The following DNAH14 variants were observed in gnomAD, a reference collection of about 807,000 sequenced individuals.
DNAH14 encodes axonemal beta dynein heavy chain 14.
Under a neutral mutation model 520.9 loss-of-function variants are expected in DNAH14, and 478 were observed. That is an observed-to-expected ratio of 0.92 (90% CI 0.85 to 0.99). The LOEUF (loss-of-function observed/expected upper bound fraction) is 0.99. Ranked by LOEUF, DNAH14 falls within the 50% of genes least tolerant of loss-of-function variation. DNAH14 has a pLI of 0.00. For synonymous variants in DNAH14, 1,581 were observed against 1,757.2 expected, an observed-to-expected ratio of 0.90 and a Z score of 2.51; for missense variants, 4,831 against 5,234.5, an observed-to-expected ratio of 0.92 and a Z score of 2.38.
intron 41 of DNAH14, among the ~76,000 whole-genome samples, chr1:225,219,746 C>T (rs2089848514): frequency 6.6e-6 from 1 of 152,130 alleles, no homozygotes; most frequent in African/African-American, 2.4e-5. Flanking sequence ...GGAGCTAGAA[C>T]CATTTTTTTC....
intron 55 of DNAH14, 27 bp downstream of exon 55, chr1:225,290,109 G>A: frequency 7.5e-7 from 1 of 1,342,200 alleles, no homozygotes; most frequent in Non-Finnish European, 9.7e-7. Flanking sequence ...TTTGCTATTT[G>A]CTGAAGTTTG....
intron 42 of DNAH14, among the ~76,000 whole-genome samples, chr1:225,236,525 A>G (rs1319847960): frequency 2.0e-5 from 3 of 152,316 alleles, no homozygotes; most frequent in South Asian, 4.1e-4. Flanking sequence ...AGTTCTGTAG[A>G]TATCTACCAG....
chr1:225,143,889 T>G (rs1054120580), intron 28 of DNAH14, among the ~76,000 whole-genome samples: 8 of 152,210 alleles, frequency 5.3e-5, no homozygotes, highest in Admixed American at 3.3e-4. Context: ...CTCAAAACCT[T>G]CTAGATGTGA....
Position 225,266,751 on chromosome 1 carries a change from T to C in DNAH14, c.7521T>C (p.Thr2507=). The C allele has an allele frequency of 6.6e-7, 1 of 1,513,396 alleles. No homozygotes were observed. Among genetic ancestry groups the C allele is most frequent in the Non-Finnish European group, 8.8e-7 (1 of 1,135,798 alleles). The allele number at this position is 1,513,396 out of a possible 1,614,324, so 93.7% of individuals were successfully genotyped here. Residue 2507 remains threonine, a synonymous_variant, in exon 49 of 86, where the codon ACT becomes ACC. Transcript: ENST00000682510. ...QLLDLGGVYD[T]EKNTWKNIQD... is the part of the protein sequence containing the mutation. ...TAGATTTGGGAGGAGTTTATGATAC[T>C]GAAAAAAATACATGGAAGGTACAGT... is the stretch of plus-strand genomic sequence containing the variant.
At chr1:225,049,247 GAGA>G (rs2148290564) in intron 15 of DNAH14, among the ~76,000 whole-genome samples, 1 of 151,672 alleles carries the variant, frequency 6.6e-6, no homozygotes, top group African/African-American at 2.4e-5. Context: ...ATTTTTAGTA[GAGA>G]CGGGGTTTCA....
chr1:225,201,420 T>G (rs1278080108), intron 38 of DNAH14, among the ~76,000 whole-genome samples: 4 of 152,096 alleles, frequency 2.6e-5, no homozygotes, highest in Admixed American at 2.0e-4. Context: ...GTGTGGTTTT[T>G]GGGGGCTGCT....
At chr1:225,062,172 A>T (rs532195997) in intron 17 of DNAH14, among the ~76,000 whole-genome samples, 1 of 152,138 alleles carries the variant, frequency 6.6e-6, no homozygotes, top group Admixed American at 6.5e-5. Context: ...ATGGTGGTGC[A>T]CACCTGTGGT....
intron 26 of DNAH14, among the ~76,000 whole-genome samples, chr1:225,121,313 A>G (rs779880522): frequency 3.3e-5 from 5 of 152,164 alleles, no homozygotes; most frequent in Non-Finnish European, 5.9e-5. Context: ...ATTATTAACT[A>G]TAGTGACCTG....
At chr1:225,055,065 T>A (rs2068901304) in intron 17 of DNAH14, among the ~76,000 whole-genome samples, 1 of 152,082 alleles carries the variant, frequency 6.6e-6, no homozygotes, top group Non-Finnish European at 1.5e-5. Context: ...TTTTACTGTG[T>A]TCATTTTGGG....
At chr1:225,078,214 AT>A (rs2072535217) in intron 17 of DNAH14, among the ~76,000 whole-genome samples, 2 of 152,206 alleles carry the variant, frequency 1.3e-5, no homozygotes, top group Admixed American at 1.3e-4. Flanking sequence ...TCACAGTTGT[AT>A]AACTTGCTAC....
chr1:225,335,284 TATGCACATATACAC>T lies in DNAH14; in HGVS notation c.10080+1782_10080+1795del, dbSNP rs1269360833. On this transcript the variant is annotated intron_variant, in intron 66 of 85. Coordinates refer to ENST00000682510, the MANE Select transcript of DNAH14 (RefSeq NM_001367479.1). ...CATATACACGTGTACATTGTGTGTATATGCACATATACACATGTGTACACGTGTGTATATGCACA... is the reference window on the plus strand; with the variant it reads ...CATATACACGTGTACATTGTGTGTATATGTGTACACGTGTGTATATGCACA... Among the ~76,000 whole-genome samples, 34 of 141,614 alleles carry T rather than the reference TATGCACATATACAC, an allele frequency of 2.4e-4. 1 individual carries two copies. Among genetic ancestry groups the T allele is most frequent in the Admixed American group, 2.4e-3 (34 of 14,206 alleles). The allele number at this position is 141,614 out of a possible 152,430, so 92.9% of individuals were successfully genotyped here. A position where few individuals can be genotyped will look rare whatever the true frequency, so the allele number is the denominator to read the frequency against.
chr1:224,945,850 A>T (rs1468908832), intron 1 of DNAH14, among the ~76,000 whole-genome samples: 1 of 152,284 alleles, frequency 6.6e-6, no homozygotes, highest in Admixed American at 6.5e-5. Flanking sequence ...TTCCTCTGGA[A>T]GTTTTGTCTC....
In DNAH14 at chr1:225,206,153, G is replaced by A; in HGVS notation, c.6160G>A (p.Val2054Ile). 3.2e-6 allele frequency: 5 copies of A among 1,551,240 alleles called. No individual in the cohort carries two copies. The highest frequency in any genetic ancestry group is 4.4e-6 in the Non-Finnish European group (5 of 1,146,700). The change falls in exon 40 of 86, where the codon GTC becomes ATC. Residue 2054 changes from valine (V) to isoleucine (I), a missense_variant. Transcript: ENST00000682510. ...TCTCTCTCAGGCCAGTCCTGCTACTGTCAGCCGATGTGCCATGGTCTATAT... is the reference window on the plus strand; with the variant it reads ...TCTCTCTCAGGCCAGTCCTGCTACTATCAGCCGATGTGCCATGGTCTATAT... ...DNLSQASPAT[V>I]SRCAMVYMDP...
At position 225,340,626 on chromosome 1, in the gene DNAH14, G is replaced by A; in HGVS notation, c.10603G>A (p.Glu3535Lys). ...HLEDQRSKLLESISLDAITLE... is the reference protein window; with the variant it reads ...HLEDQRSKLLKSISLDAITLE... ...AGAAGATCAACGTTCCAAGTTACTG[G>A]AGAGTATTTCCCTTGATGCCATAAC... is the stretch of plus-strand genomic sequence containing the variant. Residue 3535 changes from glutamate (E) to lysine (K), a missense_variant, in exon 69 of 86, where the codon GAG (glutamate) becomes AAG (lysine). By Grantham distance (56) the Glu-to-Lys change is moderately conservative. Coordinates refer to ENST00000682510, the MANE Select transcript of DNAH14 (RefSeq NM_001367479.1). The A allele has an allele frequency of 1.3e-6, 2 of 1,551,400 alleles. No individual in the cohort carries two copies. Among genetic ancestry groups the A allele is most frequent in the African/African-American group, 1.4e-5 (1 of 73,138 alleles).
At chr1:225,293,071 A>G (rs1018627265) in intron 55 of DNAH14, among the ~76,000 whole-genome samples, 4 of 152,210 alleles carry the variant, frequency 2.6e-5, no homozygotes, top group Admixed American at 2.0e-4. Context: ...ATATGTTAAA[A>G]AGCTCAACAT....
At chr1:225,394,433 T>C (rs991937672) in intron 84 of DNAH14, among the ~76,000 whole-genome samples, 1 of 152,248 alleles carries the variant, frequency 6.6e-6, no homozygotes, top group Non-Finnish European at 1.5e-5. Context: ...TTAGGGTTAA[T>C]GCTTTTTTAT....
At chr1:225,238,107 T>TA (rs1445611935) in intron 42 of DNAH14, among the ~76,000 whole-genome samples, 1 of 152,222 alleles carries the variant, frequency 6.6e-6, no homozygotes, top group Admixed American at 6.5e-5. Flanking sequence ...TTCTGAAGCT[T>TA]ACTTCTGTTA....
chr1:225,329,312 C>T (rs573704881), intron 64 of DNAH14, among the ~76,000 whole-genome samples: 2 of 152,034 alleles, frequency 1.3e-5, no homozygotes, highest in African/African-American at 4.8e-5. Context: ...ATCCCAGAGA[C>T]AAGAAGCTTA....
intron 27 of DNAH14, among the ~76,000 whole-genome samples, chr1:225,133,180 A>G (rs545768621): frequency 1.5e-4 from 23 of 150,810 alleles, no homozygotes; most frequent in Non-Finnish European, 3.1e-4. Flanking sequence ...TTGTTTGTTC[A>G]CTCTGATGAT....
Sources: gnomAD v4.1 joint callset for allele counts (sites outside exome capture counted in the v4.1 genomes callset) on GRCh38, gnomAD v4.1.1 for gene constraint, MANE v1.5 for transcripts, NCBI Gene and HGNC (gene_info 2026-07-23, HGNC 2026-07-21) for gene names.